ZEB2: variants seen among roughly 807,000 people sequenced by gnomAD.
ZEB2 encodes zinc finger E-box-binding homeobox 2.
Under a neutral mutation model 99.9 loss-of-function variants are expected in ZEB2, and 6 were observed. That is an observed-to-expected ratio of 0.06 (90% CI 0.03 to 0.12). The LOEUF is 0.12. Ranked by LOEUF, ZEB2 falls within the 10% of genes least tolerant of loss-of-function variation. The pLI is 1.00. For missense variants in ZEB2, 969 were observed against 1,502.8 expected, an observed-to-expected ratio of 0.64 and a Z score of 5.87; for synonymous variants, 517 against 542.5, an observed-to-expected ratio of 0.95 and a Z score of 0.65.
chr2:144,434,631 C>G (rs1175848746), intron 2 of ZEB2, among the ~76,000 whole-genome samples: 4 of 152,140 alleles, frequency 2.6e-5, no homozygotes, highest in African/African-American at 9.7e-5. Flanking sequence ...ATCCCTGGGA[C>G]TTTTTGGGAT....
intron 2 of ZEB2, among the ~76,000 whole-genome samples, chr2:144,447,149 T>C (rs533932470): frequency 1.3e-5 from 2 of 152,318 alleles, no homozygotes; most frequent in South Asian, 2.1e-4. Context: ...TTCTAAGTTC[T>C]TCAGATCCCA....
intron 2 of ZEB2, chr2:144,482,294 C>T (rs935113410): frequency 1.6e-4 from 24 of 152,230 alleles, no homozygotes; most frequent in African/African-American, 4.1e-4. Flanking sequence ...TCTTCCCTGA[C>T]GCATTTCATT....
chr2:144,490,233 T>C (rs1003393492), intron 2 of ZEB2, among the ~76,000 whole-genome samples: 15 of 152,244 alleles, frequency 9.9e-5, no homozygotes, highest in Non-Finnish European at 1.8e-4. Flanking sequence ...AGTCAAGTTA[T>C]TTAACTTTGC....
Position 144,398,908 on chromosome 2 carries a change from AGCCTGAGAG to A in ZEB2, c.2270_2278del (p.Pro757_Arg759del). 6.2e-7 allele frequency: 1 copy of A among 1,614,172 alleles called. No homozygotes were observed. The highest frequency in any genetic ancestry group is 8.5e-7 in the Non-Finnish European group (1 of 1,180,032). ...ATTGGTAAAATGGGAAGGTTTTGTT[AGCCTGAGAG>A]GAGGATCACAATTCGTAACACTGTT... On this transcript the variant is annotated inframe_deletion, in exon 8 of 10. Transcript: ENST00000627532.
chr2:144,401,083 A>G, intron 7 of ZEB2, 116 bp downstream of exon 7: 1 of 924,002 alleles, frequency 1.1e-6, no homozygotes. Flanking sequence ...AGTTGATGAA[A>G]TAAATAGATA....
chr2:144,460,558 C>T (rs918062287), intron 2 of ZEB2, among the ~76,000 whole-genome samples: 3 of 152,026 alleles, frequency 2.0e-5, no homozygotes, highest in Admixed American at 1.3e-4. Context: ...AATCTTAGAA[C>T]GGGGCACCTG....
Position 144,514,897 on chromosome 2 carries a change from A to G in ZEB2, c.73+2381T>C, listed in dbSNP as rs1158433250. 3.9e-5 allele frequency among the ~76,000 whole-genome samples: 6 copies of G among 152,318 alleles called. No homozygotes were observed. The East Asian group carries it at 1.2e-3, about 29-fold the overall frequency. Reference sequence around the variant, plus strand: ...TTCTCCCAAGTTAGTGGCTGGGTGGAGGGGAAATACTTGCAGTGTCCATGA... The same window carrying G: ...TTCTCCCAAGTTAGTGGCTGGGTGGGGGGGAAATACTTGCAGTGTCCATGA... On this transcript the variant is annotated intron_variant, in intron 2 of 9. Transcript: ENST00000627532.
intron 2 of ZEB2, chr2:144,455,153 G>A (rs577486669): frequency 2.6e-5 from 4 of 152,130 alleles, no homozygotes; most frequent in African/African-American, 7.2e-5. Flanking sequence ...AAAACCTGCC[G>A]CTTCAATCCG....
At chr2:144,424,692 A>T in intron 4 of ZEB2, 104 bp downstream of exon 4, 2 of 1,352,570 alleles carry the variant, frequency 1.5e-6, no homozygotes, top group Non-Finnish European at 2.1e-6. Context: ...ACTACTTGTT[A>T]AGTCATGGAG....
At chr2:144,496,758 C>T (rs1704765720) in intron 2 of ZEB2, 1 of 152,148 alleles carries the variant, frequency 6.6e-6, no homozygotes, top group African/African-American at 2.4e-5. Flanking sequence ...GGGGCGAGAT[C>T]AGATGACATA....
Position 144,385,143 on chromosome 2 carries a change from C to T in ZEB2, c.*4308G>A, listed in dbSNP as rs373398301. On this transcript the variant is annotated 3_prime_UTR_variant, in exon 10 of 10. Coordinates refer to ENST00000627532, the MANE Select transcript of ZEB2 (RefSeq NM_014795.4). ...GAATTTATAGGAGTGCTTATATAAGCGATAATAATTGGACCAGTGTCCCTT... is the reference window on the plus strand; with the variant it reads ...GAATTTATAGGAGTGCTTATATAAGTGATAATAATTGGACCAGTGTCCCTT... The T allele has an allele frequency of 2.1e-4, 32 of 151,784 alleles. 1 individual carries two copies. The East Asian group carries it at 4.4e-3, about 21-fold the overall frequency. The allele number at this position is 151,784 out of a possible 1,614,324, so 9.4% of individuals were successfully genotyped here. A position where few individuals can be genotyped will look rare whatever the true frequency, so the allele number is the denominator to read the frequency against.
At chr2:144,484,085 TACGGAACTCAAAGTTGTTCCC>T (rs1560644208) in intron 2 of ZEB2, among the ~76,000 whole-genome samples, 2 of 152,026 alleles carry the variant, frequency 1.3e-5, no homozygotes, top group African/African-American at 4.8e-5. Context: ...TGATTTTTCT[TACGGAACTCAAAGTTGTTCCC>T]ACATGGTCTT....
At chr2:144,420,419 AATT>A (rs993589955) in intron 4 of ZEB2, among the ~76,000 whole-genome samples, 1 of 152,034 alleles carries the variant, frequency 6.6e-6, no homozygotes, top group Non-Finnish European at 1.5e-5. Context: ...TTACCTCAGT[AATT>A]ATTTATTTAA....
At chr2:144,407,920 T>C (rs1228121713) in intron 4 of ZEB2, among the ~76,000 whole-genome samples, 1 of 152,270 alleles carries the variant, frequency 6.6e-6, no homozygotes, top group African/African-American at 2.4e-5. Context: ...AATTTTCATT[T>C]GCATATGAAT....
At chr2:144,517,708 C>CG in intron 1 of ZEB2, 2 of 702,732 alleles carry the variant, frequency 2.8e-6, no homozygotes, top group Non-Finnish European at 5.2e-6. Context: ...ATGCACACGG[C>CG]GGTACAGTAA....
chr2:144,458,862 A>G (rs978859490), intron 2 of ZEB2, among the ~76,000 whole-genome samples: 4 of 152,194 alleles, frequency 2.6e-5, no homozygotes, highest in African/African-American at 9.6e-5. Flanking sequence ...GAGACAAAGG[A>G]CGAAGACCAG....
At chr2:144,488,588 G>A (rs1242406115) in intron 2 of ZEB2, among the ~76,000 whole-genome samples, 3 of 151,446 alleles carry the variant, frequency 2.0e-5, no homozygotes, top group Non-Finnish European at 4.4e-5. Context: ...GTCATTCTTT[G>A]GAATTAAGCA....
Position 144,400,115 on chromosome 2 carries a change from A to G in ZEB2, c.1072T>C (p.Ser358Pro). 6.2e-7 allele frequency: 1 copy of G among 1,613,984 alleles called. No individual in the cohort carries two copies. The highest frequency in any genetic ancestry group is 1.1e-5 in the South Asian group (1 of 91,088). Reference protein sequence around the residue: ...IKTGSSPNSVSSSPTNSAITQ... With the variant: ...IKTGSSPNSVPSSPTNSAITQ... Reference sequence around the variant, plus strand: ...ATGGCTGAATTAGTAGGAGAAGAAGAAACAGAATTAGGGGAAGAACCCGTC... The same window carrying G: ...ATGGCTGAATTAGTAGGAGAAGAAGGAACAGAATTAGGGGAAGAACCCGTC... The change falls in exon 8 of 10, where the codon TCT becomes CCT. Residue 358 changes from serine (S) to proline (P), a missense_variant. Coordinates refer to ENST00000627532, the MANE Select transcript of ZEB2 (RefSeq NM_014795.4).
chr2:144,454,073 T>C (rs376787941), intron 2 of ZEB2, among the ~76,000 whole-genome samples: 1 of 152,228 alleles, frequency 6.6e-6, no homozygotes, highest in East Asian at 1.9e-4. Context: ...TCTGTTGTTT[T>C]AAACTAGGAT....
Sources: gnomAD v4.1 joint callset for allele counts (sites outside exome capture counted in the v4.1 genomes callset) on GRCh38, gnomAD v4.1.1 for gene constraint, MANE v1.5 for transcripts, NCBI Gene and HGNC (gene_info 2026-07-23, HGNC 2026-07-21) for gene names.